Variants in FABP6 observed in about 807,000 individuals in gnomAD.
The protein encoded by FABP6 is gastrotropin.
A neutral mutation model predicts 14.9 loss-of-function variants in FABP6; 13 were observed. That is an observed-to-expected ratio of 0.87 (90% CI 0.57 to 1.39). The LOEUF (loss-of-function observed/expected upper bound fraction) is 1.39, where lower values mean the gene tolerates loss of function less well. Ranked by LOEUF, FABP6 falls within the 40% of genes most tolerant of loss-of-function variation. The pLI is 0.00. For missense variants in FABP6, 161 were observed against 167.2 expected, an observed-to-expected ratio of 0.96 and a Z score of 0.20; for synonymous variants, 75 against 63.6, an observed-to-expected ratio of 1.18 and a Z score of -0.85.
chr5:160,188,785 T>G (rs1759341547), intron 1 of FABP6, among the ~76,000 whole-genome samples: 1 of 152,190 alleles, frequency 6.6e-6, no homozygotes. Context: ...GACTCATTTC[T>G]GCAAGGCCCC....
chr5:160,208,057 TC>T (rs1759807292), intron 2 of FABP6, among the ~76,000 whole-genome samples: 1 of 152,178 alleles, frequency 6.6e-6, no homozygotes, highest in Admixed American at 6.6e-5. Flanking sequence ...CTGCATTTTT[TC>T]TCAATTTTAT....
upstream of FABP6, among the ~76,000 whole-genome samples, chr5:160,225,835 T>C (rs1760233192): frequency 6.6e-6 from 1 of 151,838 alleles, no homozygotes; most frequent in Non-Finnish European, 1.5e-5. Flanking sequence ...AAGAAAACAA[T>C]AATGAGGGAG....
chr5:160,205,872 A>T (rs1251063047), intron 2 of FABP6, among the ~76,000 whole-genome samples: 2 of 152,216 alleles, frequency 1.3e-5, no homozygotes, highest in Admixed American at 1.3e-4. Context: ...CCACACAATC[A>T]GTCAACTTGA....
At chr5:160,203,028 A>C (rs1014756298) in intron 2 of FABP6, among the ~76,000 whole-genome samples, 1 of 149,424 alleles carries the variant, frequency 6.7e-6, no homozygotes, top group African/African-American at 2.5e-5. Flanking sequence ...CAGCCTCCCA[A>C]GTAGCTGAGA....
chr5:160,187,742 A>ATTATTTATTTATTTATTTAT (rs147766560), intron 1 of FABP6, among the ~76,000 whole-genome samples: 29 of 150,562 alleles, frequency 1.9e-4, no homozygotes, highest in Non-Finnish European at 2.7e-4. Context: ...AATATTTGCT[A>ATTATTTATTTATTTATTTAT]TTATTTATTT....
chr5:160,229,821 TTTTTATTTTA>T (rs200570698), intron 1 of FABP6, among the ~76,000 whole-genome samples, 197 bp downstream of exon 1: 29,817 of 127,628 alleles, frequency 0.23, 3,813 homozygotes, highest in Non-Finnish European at 0.26. Flanking sequence ...CTCTTTAACT[TTTTTATTTTA>T]TTTTATTTTA....
intron 2 of FABP6, chr5:160,199,206 G>T: frequency 1.2e-6 from 2 of 1,603,108 alleles, no homozygotes; most frequent in South Asian, 1.1e-5. Flanking sequence ...ATGAAAGGAT[G>T]ACCCAGGTCA....
At chr5:160,222,095 CTTTTTT>C (rs202190021) in intron 3 of FABP6, among the ~76,000 whole-genome samples, 1 of 130,340 alleles carries the variant, frequency 7.7e-6, no homozygotes, top group Non-Finnish European at 1.6e-5. Flanking sequence ...TTTTTCTTTT[CTTTTTT>C]TTTTTTTTTT....
intron 3 of FABP6, among the ~76,000 whole-genome samples, chr5:160,235,364 A>G: frequency 6.6e-6 from 1 of 152,214 alleles, no homozygotes; most frequent in East Asian, 1.9e-4. Context: ...ATTTATCAAG[A>G]GAAGTTGGAA....
At chr5:160,229,386 C>T, upstream of FABP6, 1 of 1,447,440 alleles carries the variant, frequency 6.9e-7, no homozygotes, top group Non-Finnish European at 9.2e-7. Flanking sequence ...AGGTCCTGCC[C>T]ACATCATAAA....
intron 3 of FABP6, among the ~76,000 whole-genome samples, chr5:160,216,110 G>C (rs1377017932): frequency 6.6e-6 from 1 of 152,166 alleles, no homozygotes; most frequent in African/African-American, 2.4e-5. Context: ...GGATGAACTG[G>C]GGAAAATTGA....
intron 2 of FABP6, among the ~76,000 whole-genome samples, chr5:160,210,655 G>A (rs574207442): frequency 9.9e-5 from 15 of 152,222 alleles, no homozygotes; most frequent in Admixed American, 3.9e-4. Context: ...GCACCCCAGG[G>A]AGAAAACACA....
intron 2 of FABP6, 42 bp from the exon 3 acceptor site, chr5:160,234,778 C>T: frequency 6.6e-7 from 1 of 1,519,332 alleles, no homozygotes; most frequent in Non-Finnish European, 9.0e-7. Context: ...AGTTGCCAAT[C>T]ACCTGCAACA....
intron 3 of FABP6, among the ~76,000 whole-genome samples, chr5:160,215,738 A>C (rs1759997903): frequency 6.6e-6 from 1 of 151,862 alleles, no homozygotes; most frequent in Non-Finnish European, 1.5e-5. Flanking sequence ...AGAACTGGGG[A>C]AGTGGAGGTG....
At chr5:160,234,349 C>T (rs985946535) in intron 2 of FABP6, among the ~76,000 whole-genome samples, 2 of 141,460 alleles carry the variant, frequency 1.4e-5, no homozygotes, top group African/African-American at 2.6e-5. Flanking sequence ...ACCCTTGCAA[C>T]ATATTTTCAT....
chr5:160,213,558 G>A (rs1759938167), intron 2 of FABP6, among the ~76,000 whole-genome samples: 2 of 152,214 alleles, frequency 1.3e-5, no homozygotes, highest in African/African-American at 4.8e-5. Flanking sequence ...AGCCTGAAAA[G>A]TCTGTGATCC....
chr5:160,206,573 C>T (rs1036229726), intron 2 of FABP6, among the ~76,000 whole-genome samples: 2 of 152,186 alleles, frequency 1.3e-5, no homozygotes, highest in Non-Finnish European at 2.9e-5. Flanking sequence ...TACATGCATG[C>T]AAATCTATGT....
chr5:160,217,447 A>G (rs1760035415), intron 3 of FABP6, among the ~76,000 whole-genome samples: 1 of 152,148 alleles, frequency 6.6e-6, no homozygotes, highest in Admixed American at 6.6e-5. Flanking sequence ...AGATGAGGGA[A>G]ATGATTAACA....
chr5:160,232,581 G>A (rs974828628), intron 2 of FABP6, among the ~76,000 whole-genome samples: 10 of 152,092 alleles, frequency 6.6e-5, no homozygotes, highest in South Asian at 2.1e-4. Flanking sequence ...CAGATTGATC[G>A]GGGAGGCTAA....
Sources: allele counts gnomAD v4.1 joint callset (sites outside exome capture counted in the v4.1 genomes callset), GRCh38; gene constraint gnomAD v4.1.1; transcripts MANE v1.5; gene names NCBI Gene and HGNC (gene_info 2026-07-23, HGNC 2026-07-21).